FNBP1: variants seen among roughly 807,000 people sequenced by gnomAD.
The protein encoded by FNBP1 is formin-binding protein 1.
FNBP1 carries 26 observed loss-of-function variants against 90.6 expected under a neutral mutation model. That is an observed-to-expected ratio of 0.29 (90% CI 0.21 to 0.40). The LOEUF is 0.40. Among genes scored for constraint, FNBP1 ranks in the 10% least tolerant of loss-of-function variants. The pLI is 1.00. For missense variants in FNBP1, 635 were observed against 768.0 expected (o/e 0.83, Z 2.05); for synonymous variants, 260 against 265.2 (o/e 0.98, Z 0.19).
intron 6 of FNBP1, chr9:129,936,675 AAC>A (rs1330194036): frequency 3.3e-5 from 5 of 152,202 alleles, no homozygotes; most frequent in African/African-American, 1.2e-4. Context: ...AGCTCCTGAT[AAC>A]CACTAGAGGA....
At chr9:129,993,913 C>A (rs1485935462) in intron 2 of FNBP1, among the ~76,000 whole-genome samples, 3 of 152,202 alleles carry the variant, frequency 2.0e-5, no homozygotes, top group Admixed American at 6.5e-5. Flanking sequence ...GCGTGAGCCA[C>A]TGCGCCCGGC....
In FNBP1 at chr9:130,024,311, C is replaced by T. The variant is rs1437238183; in HGVS notation, c.24+18641G>A. On this transcript the variant is annotated intron_variant, in intron 1 of 16. Transcript: ENST00000446176. ...TTACAAAATTAAAAAATTAGCTGGG[C>T]GTGGTAGTGTGCACCTGAGTCTTAG... 5.9e-5 allele frequency among the ~76,000 whole-genome samples: 9 copies of T among 151,790 alleles called. No individual in the cohort carries two copies. The East Asian group carries it at 1.2e-3, about 20-fold the overall frequency.
the FNBP1 span, among the ~76,000 whole-genome samples, chr9:130,050,824 T>G: frequency 5.2e-4 from 15 of 28,802 alleles, no homozygotes; most frequent in South Asian, 2.1e-3. Context: ...GTTTTTTTTT[T>G]GTTTTTTTGT....
rs191025164 is a variant in FNBP1 at position 130,014,006 on chromosome 9, A to G, written c.25-19048T>C. 6.6e-6 allele frequency: 3 copies of G among 456,614 alleles called. No individual in the cohort carries two copies. In the East Asian group the frequency reaches 2.1e-4, roughly 32 times the overall value. 28.3% of individuals were successfully genotyped at this position (456,614 alleles called of 1,614,324 possible). On this transcript the variant is annotated intron_variant, in intron 1 of 16. Transcript: ENST00000446176. ...TGTGGTATTCTGCTATAGCAACACA[A>G]AATAGACTAAGACAAACCCACCTGT...
chr9:129,961,857 A>G (rs142443805), intron 4 of FNBP1, among the ~76,000 whole-genome samples: 28 of 152,318 alleles, frequency 1.8e-4, no homozygotes, highest in African/African-American at 6.3e-4. Flanking sequence ...AAGTGCTGGG[A>G]TTACAGGCGT....
At chr9:129,913,170 T>C (rs924032026) in intron 11 of FNBP1, among the ~76,000 whole-genome samples, 4 of 152,096 alleles carry the variant, frequency 2.6e-5, no homozygotes, top group Non-Finnish European at 5.9e-5. Context: ...ATCATGCCAC[T>C]GCACTCCATC....
chr9:130,044,882 A>T (rs777117947), upstream of FNBP1: 5 of 152,244 alleles, frequency 3.3e-5, no homozygotes, highest in Non-Finnish European at 7.3e-5. Flanking sequence ...AGTTGGAGTG[A>T]GCCAAGATTG....
Position 129,889,698 on chromosome 9 carries a change from C to G in FNBP1, c.*841G>C. 4.3e-6 allele frequency: 1 copy of G among 231,722 alleles called. No homozygotes were observed. The highest frequency in any genetic ancestry group is 8.5e-6 in the Non-Finnish European group (1 of 117,114). The allele number at this position is 231,722 out of a possible 1,614,324, so 14.4% of individuals were successfully genotyped here. ...GGTGCAGAGGGGAGGGCCTCGCTCACAAGCGCATGATCTACAGTTCTCAGG... is the reference window on the plus strand; with the variant it reads ...GGTGCAGAGGGGAGGGCCTCGCTCAGAAGCGCATGATCTACAGTTCTCAGG... On this transcript the variant is annotated 3_prime_UTR_variant, in exon 17 of 17. Coordinates refer to ENST00000446176, the MANE Select transcript of FNBP1 (RefSeq NM_015033.3).
chr9:130,042,653 C>A lies in FNBP1; in HGVS notation c.24+299G>T, dbSNP rs1350625248. 6.6e-6 allele frequency among the ~76,000 whole-genome samples: 1 copy of A among 151,662 alleles called. No homozygotes were observed. Among genetic ancestry groups the A allele is most frequent in the Admixed American group, 6.6e-5 (1 of 15,222 alleles). On this transcript the variant is annotated intron_variant, in intron 1 of 16. Coordinates refer to ENST00000446176, the MANE Select transcript of FNBP1 (RefSeq NM_015033.3). This position sits in a 1 kb window ranked among gnomAD's most constrained non-coding sequence, Gnocchi z 5.5. The stretch of plus-strand genomic sequence containing the variant: ...TCGCCCCGGGGGATTAGGGCTCGGC[C>A]CGACACACACGGCCCGCTCCGGGGC...
chr9:129,999,901 T>TAA (rs372056188), intron 1 of FNBP1, among the ~76,000 whole-genome samples: 57 of 152,148 alleles, frequency 3.7e-4, no homozygotes, highest in African/African-American at 1.2e-3. Flanking sequence ...TTCAATCTAT[T>TAA]ACGATTCTTT....
intron 1 of FNBP1, among the ~76,000 whole-genome samples, chr9:130,033,655 AG>A (rs1464426830): frequency 6.6e-6 from 1 of 151,498 alleles, no homozygotes; most frequent in Non-Finnish European, 1.5e-5. Flanking sequence ...TGGGCAACAC[AG>A]GAAGACCCCC....
intron 4 of FNBP1, among the ~76,000 whole-genome samples, chr9:129,972,353 C>T (rs934293077): frequency 6.6e-6 from 1 of 152,070 alleles, no homozygotes; most frequent in South Asian, 2.1e-4. Flanking sequence ...AGGCTGGTTT[C>T]GAACTCCTGG....
chr9:129,926,878 T>C (rs1449813574), intron 8 of FNBP1, among the ~76,000 whole-genome samples: 1 of 146,276 alleles, frequency 6.8e-6, no homozygotes, highest in African/African-American at 2.5e-5. Flanking sequence ...AGAGCGAGAT[T>C]CCATCTCAAA....
Position 129,900,172 on chromosome 9 carries a change from C to T in FNBP1, c.1551-71G>A, listed in dbSNP as rs879314094. 8.2e-5 allele frequency: 121 copies of T among 1,469,036 alleles called. No homozygotes were observed. The highest frequency in any genetic ancestry group is 1.7e-4 in the South Asian group (12 of 70,170). 91.0% of individuals were successfully genotyped at this position (1,469,036 alleles called of 1,614,324 possible). On this transcript the variant is annotated intron_variant, in intron 14 of 16. Transcript: ENST00000446176. The surrounding 1 kb of genome is among the most constrained non-coding windows in gnomAD (Gnocchi z 4.1). ...AGGGAGGACTCAGATTGAGTCCCTGCGACTGGAGAGCACTTGCAACCCCGC... is the reference window on the plus strand; with the variant it reads ...AGGGAGGACTCAGATTGAGTCCCTGTGACTGGAGAGCACTTGCAACCCCGC...
intron 1 of FNBP1, among the ~76,000 whole-genome samples, chr9:130,035,838 C>A (rs906640725): frequency 1.3e-5 from 2 of 151,910 alleles, no homozygotes; most frequent in Admixed American, 6.6e-5. Flanking sequence ...CCCAGCTACT[C>A]GGGAGGCTGA....
chr9:129,921,791 C>T (rs753578903), intron 10 of FNBP1, among the ~76,000 whole-genome samples: 14 of 152,034 alleles, frequency 9.2e-5, no homozygotes, highest in Non-Finnish European at 1.9e-4. Context: ...TTACTAGTAA[C>T]CAGCTGTTGA....
rs768093902 is a variant in FNBP1 at position 129,890,611 on chromosome 9, G to A, written c.1847-65C>T. 2.4e-5 allele frequency: 35 copies of A among 1,472,900 alleles called. No individual in the cohort carries two copies. The highest frequency in any genetic ancestry group is 3.3e-5 in the Non-Finnish European group (35 of 1,075,362). The allele number at this position is 1,472,900 out of a possible 1,614,324, so 91.2% of individuals were successfully genotyped here. On this transcript the variant is annotated intron_variant, in intron 16 of 16. Coordinates refer to ENST00000446176, the MANE Select transcript of FNBP1 (RefSeq NM_015033.3). The surrounding 1 kb of genome is among the most constrained non-coding windows in gnomAD (Gnocchi z 5.8). ...AGAGAGGAAGGCGCGGGTTCCAGGC[G>A]GGCATTTTGCTCTTGGCTACAAACT...
At chr9:129,992,519 C>T (rs1341963652) in intron 2 of FNBP1, among the ~76,000 whole-genome samples, 3 of 146,494 alleles carry the variant, frequency 2.0e-5, no homozygotes, top group Admixed American at 2.0e-4. Flanking sequence ...GCTGAAACAA[C>T]AACAGAAACC....
Position 129,979,387 on chromosome 9 carries a change from T to C in FNBP1, c.141-13A>G. ...CTTTGAAAGATTCCTGAAATAAAAA[T>C]GCAGACATGTCAGCTTTATATAGAA... On this transcript the variant is annotated splice_polypyrimidine_tract_variant and intron_variant, in intron 2 of 16. Coordinates refer to ENST00000446176, the MANE Select transcript of FNBP1 (RefSeq NM_015033.3). 1 of 1,576,306 alleles carries C rather than the reference T, an allele frequency of 6.3e-7. No homozygotes were observed. The highest frequency in any genetic ancestry group is 8.7e-7 in the Non-Finnish European group (1 of 1,147,460).
Sources: gnomAD v4.1 joint callset for allele counts (sites outside exome capture counted in the v4.1 genomes callset) on GRCh38, gnomAD v4.1.1 for gene constraint, Gnocchi (gnomAD v3.1) non-coding constraint, MANE v1.5 for transcripts, NCBI Gene and HGNC (gene_info 2026-07-23, HGNC 2026-07-21) for gene names.